GLP1R: variants seen among roughly 807,000 people sequenced by gnomAD.
GLP1R encodes the protein glucagon like peptide 1 receptor.
GLP1R carries 32 observed loss-of-function variants against 68.4 expected under a neutral mutation model. That is an observed-to-expected ratio of 0.47 (90% CI 0.35 to 0.63). The LOEUF is 0.63. Among genes scored for constraint, GLP1R ranks in the 20% least tolerant of loss-of-function variants. The probability of loss-of-function intolerance (pLI) is 0.00; values close to 1 mark genes in which losing one functional copy is unlikely to be tolerated. For synonymous variants in GLP1R, 263 were observed against 244.4 expected, an observed-to-expected ratio of 1.08 and a Z score of -0.71; for missense variants, 502 against 594.9, an observed-to-expected ratio of 0.84 and a Z score of 1.62.
intron 1 of GLP1R, among the ~76,000 whole-genome samples, chr6:39,050,619 C>A (rs1444235063): frequency 6.6e-6 from 1 of 152,078 alleles, no homozygotes; most frequent in Non-Finnish European, 1.5e-5. Flanking sequence ...GTGCTCTTGT[C>A]ATGGGAAACT....
At chr6:39,077,417 G>A (rs1354926592) in intron 7 of GLP1R, among the ~76,000 whole-genome samples, 1 of 152,314 alleles carries the variant, frequency 6.6e-6, no homozygotes, top group East Asian at 1.9e-4. Context: ...CTGGCCAAAG[G>A]CTGGAGGCCT....
chr6:39,069,802 C>T (rs980665645), intron 5 of GLP1R, among the ~76,000 whole-genome samples: 6 of 152,160 alleles, frequency 3.9e-5, no homozygotes, highest in Non-Finnish European at 8.8e-5. Context: ...TTACATGACT[C>T]CCCACTCTCG....
chr6:39,050,183 A>G (rs573381800), intron 1 of GLP1R, among the ~76,000 whole-genome samples: 1 of 152,032 alleles, frequency 6.6e-6, no homozygotes, highest in African/African-American at 2.4e-5. Flanking sequence ...CCCTTCCAAG[A>G]CACCTTCCTC....
intron 1 of GLP1R, among the ~76,000 whole-genome samples, chr6:39,052,267 A>AAAAG (rs527848359): frequency 1.6e-4 from 25 of 152,222 alleles, no homozygotes; most frequent in Admixed American, 5.2e-4. Context: ...CTTTTGAAAA[A>AAAAG]AAAGAAAGAA....
chr6:39,061,272 G>A (rs1322584362), intron 3 of GLP1R, among the ~76,000 whole-genome samples: 1 of 152,202 alleles, frequency 6.6e-6, no homozygotes, highest in Non-Finnish European at 1.5e-5. Context: ...AGACTGGGAG[G>A]AGAAGGCTGA....
chr6:39,082,089 G>A (rs549973618), intron 12 of GLP1R, among the ~76,000 whole-genome samples: 1 of 152,106 alleles, frequency 6.6e-6, no homozygotes, highest in Non-Finnish European at 1.5e-5. Flanking sequence ...AGAGGATGCC[G>A]TGCAGAGAAA....
chr6:39,081,077 C>T (rs1583650359), intron 12 of GLP1R, among the ~76,000 whole-genome samples: 2 of 152,026 alleles, frequency 1.3e-5, no homozygotes, highest in Admixed American at 1.3e-4. Flanking sequence ...CACACATACC[C>T]AAGCCACATG....
chr6:39,055,078 A>G (rs530481630), intron 1 of GLP1R, among the ~76,000 whole-genome samples: 41 of 152,284 alleles, frequency 2.7e-4, no homozygotes, highest in African/African-American at 9.6e-4. Context: ...TGGGGCTTAA[A>G]GTGAGCTGGG....
chr6:39,079,640 C>T lies in GLP1R; in HGVS notation c.1120C>T (p.His374Tyr), dbSNP rs190133144. 1 of 1,611,580 alleles carries T rather than the reference C, an allele frequency of 6.2e-7. No individual in the cohort carries two copies. Among genetic ancestry groups the T allele is most frequent in the Admixed American group, 1.7e-5 (1 of 59,474 alleles). ...EVIFAFVMDE[H>Y]ARGTLRFIKL... is the part of the protein sequence containing the mutation. ...CATCTTTGCCTTTGTGATGGACGAGCACGCCCGGGGGACCCTGCGCTTCAT... is the reference window on the plus strand; with the variant it reads ...CATCTTTGCCTTTGTGATGGACGAGTACGCCCGGGGGACCCTGCGCTTCAT... The change falls in exon 11 of 13, where the codon CAC becomes TAC. Residue 374 changes from histidine (H) to tyrosine (Y), a missense_variant. Coordinates refer to ENST00000373256, the MANE Select transcript of GLP1R (RefSeq NM_002062.5). The surrounding 1 kb of genome is among the most constrained non-coding windows in gnomAD (Gnocchi z 4.5).
intron 12 of GLP1R, among the ~76,000 whole-genome samples, chr6:39,084,202 T>C (rs1199352009): frequency 6.6e-6 from 1 of 152,184 alleles, no homozygotes; most frequent in Non-Finnish European, 1.5e-5. Context: ...GCACCTCAGT[T>C]TCCTCATCTT....
chr6:39,077,237 A>G (rs1768855250), intron 7 of GLP1R, among the ~76,000 whole-genome samples: 1 of 152,314 alleles, frequency 6.6e-6, no homozygotes, highest in African/African-American at 2.4e-5. Flanking sequence ...CTTCTTGGGC[A>G]TCCCCCACCC....
chr6:39,065,183 C>T (rs1462658395), intron 3 of GLP1R, among the ~76,000 whole-genome samples: 1 of 152,208 alleles, frequency 6.6e-6, no homozygotes, highest in Non-Finnish European at 1.5e-5. Context: ...GCTCTGTCTT[C>T]CTTCCCTTCT....
At chr6:39,072,670 T>C (rs917017918) in intron 5 of GLP1R, among the ~76,000 whole-genome samples, 192 bp from the exon 6 acceptor site, 1 of 152,148 alleles carries the variant, frequency 6.6e-6, no homozygotes. Flanking sequence ...GAAGCCTTCA[T>C]GGAGAGGCAG....
chr6:39,058,506 T>C (rs972809117), intron 3 of GLP1R, among the ~76,000 whole-genome samples: 8 of 152,086 alleles, frequency 5.3e-5, no homozygotes, highest in African/African-American at 1.9e-4. Flanking sequence ...GGAGGGTTAG[T>C]TAATGTGCCC....
At chr6:39,078,449 T>G (rs1583646123) in intron 8 of GLP1R, 67 bp downstream of exon 8, 2 of 1,104,256 alleles carry the variant, frequency 1.8e-6, no homozygotes, top group East Asian at 4.7e-5. Context: ...TGGGATTCCT[T>G]GGTACCTGGG....
Position 39,049,218 on chromosome 6 carries a change from C to T in GLP1R, c.78+300C>T, listed in dbSNP as rs1768031358. Among the ~76,000 whole-genome samples, 1 of 152,182 alleles carries T rather than the reference C, an allele frequency of 6.6e-6. No homozygotes were observed. The highest frequency in any genetic ancestry group is 1.5e-5 in the Non-Finnish European group (1 of 68,018). On this transcript the variant is annotated intron_variant, in intron 1 of 12. Transcript: ENST00000373256. This position sits in a 1 kb window ranked among gnomAD's most constrained non-coding sequence, Gnocchi z 4.5. ...CGCGGCCGCCCTGCGCTGACTTCTGCTCCGCTTCTCCTTTGTCCCCAGCAC... is the reference window on the plus strand; with the variant it reads ...CGCGGCCGCCCTGCGCTGACTTCTGTTCCGCTTCTCCTTTGTCCCCAGCAC...
Position 39,049,480 on chromosome 6 carries a change from G to GGGCCCTGC in GLP1R, c.78+565_78+572dup, listed in dbSNP as rs1432603294. On this transcript the variant is annotated intron_variant, in intron 1 of 12. Coordinates refer to ENST00000373256, the MANE Select transcript of GLP1R (RefSeq NM_002062.5). This position sits in a 1 kb window ranked among gnomAD's most constrained non-coding sequence, Gnocchi z 4.5. ...CACAGCCTTTGATTCATGGCTCCTG[G>GGGCCCTGC]GGCCCTGCGGTGGCAGCTTGTCCTT... 6.6e-6 allele frequency among the ~76,000 whole-genome samples: 1 copy of GGGCCCTGC among 152,074 alleles called. No individual in the cohort carries two copies. Among genetic ancestry groups the GGGCCCTGC allele is most frequent in the Non-Finnish European group, 1.5e-5 (1 of 68,004 alleles).
chr6:39,085,860 ATTGGT>A, intron 12 of GLP1R, 41 bp from the exon 13 acceptor site: 3 of 1,593,346 alleles, frequency 1.9e-6, no homozygotes, highest in Non-Finnish European at 2.6e-6. Context: ...TTTGTTAGCC[ATTGGT>A]TTGCATGATG....
chr6:39,081,313 A>G (rs1769007522), intron 12 of GLP1R, among the ~76,000 whole-genome samples: 1 of 152,226 alleles, frequency 6.6e-6, no homozygotes, highest in Admixed American at 6.5e-5. Flanking sequence ...TGGCAGAGCC[A>G]GGATTCAAAT....
Sources: allele counts gnomAD v4.1 joint callset (sites outside exome capture counted in the v4.1 genomes callset), GRCh38; gene constraint gnomAD v4.1.1; non-coding constraint Gnocchi (gnomAD v3.1); transcripts MANE v1.5; gene names NCBI Gene and HGNC (gene_info 2026-07-23, HGNC 2026-07-21).